The following MAF variants were observed in gnomAD, a reference collection of about 807,000 sequenced individuals.
MAF encodes the protein transcription factor Maf.
In MAF, 10 loss-of-function variants were observed where a neutral mutation model predicts 22.0. That is an observed-to-expected ratio of 0.45 (90% CI 0.28 to 0.77). The LOEUF is 0.77. Ranked by LOEUF, MAF falls within the 30% of genes least tolerant of loss-of-function variation. The pLI is 0.12. For synonymous variants in MAF, 337 were observed against 255.8 expected (o/e 1.32, Z -3.03); for missense variants, 544 against 548.4 (o/e 0.99, Z 0.08).
the MAF span, among the ~76,000 whole-genome samples, chr16:79,576,722 T>A: frequency 6.6e-6 from 1 of 152,176 alleles, no homozygotes; most frequent in Non-Finnish European, 1.5e-5. Context: ...TTATTCCATA[T>A]AATATTGTCC....
the MAF span, among the ~76,000 whole-genome samples, chr16:79,321,024 G>C: frequency 1.3e-5 from 2 of 152,206 alleles, no homozygotes; most frequent in African/African-American, 4.8e-5. Context: ...TGAGGAGTCT[G>C]ATCTCGATCT....
chr16:79,524,499 C>T, the MAF span, among the ~76,000 whole-genome samples: 2 of 152,166 alleles, frequency 1.3e-5, no homozygotes, highest in Non-Finnish European at 2.9e-5. Context: ...GTTGGCTATC[C>T]AACATTCATC....
chr16:79,377,240 A>G, the MAF span, among the ~76,000 whole-genome samples: 1 of 152,058 alleles, frequency 6.6e-6, no homozygotes, highest in African/African-American at 2.4e-5. Context: ...ATGGTATCTC[A>G]TTGTGGTTTT....
the MAF span, among the ~76,000 whole-genome samples, chr16:79,349,056 C>T: frequency 1.3e-5 from 2 of 152,220 alleles, no homozygotes; most frequent in Admixed American, 1.3e-4. Flanking sequence ...CAAATGATGA[C>T]AGCTAACATT....
the MAF span, among the ~76,000 whole-genome samples, chr16:79,219,089 C>T: frequency 6.6e-6 from 1 of 152,184 alleles, no homozygotes; most frequent in Non-Finnish European, 1.5e-5. Flanking sequence ...AAGGCCATGC[C>T]CTGCTGCATC....
chr16:79,546,160 T>G, the MAF span, among the ~76,000 whole-genome samples: 1 of 152,186 alleles, frequency 6.6e-6, no homozygotes, highest in Admixed American at 6.5e-5. Flanking sequence ...CTTTAAAACT[T>G]GATTTTATTG....
chr16:79,329,418 G>A, the MAF span, among the ~76,000 whole-genome samples: 4 of 152,108 alleles, frequency 2.6e-5, no homozygotes, highest in South Asian at 2.1e-4. Flanking sequence ...TCACAACACC[G>A]GTATCTGGTA....
At chr16:79,501,531 G>T in the MAF span, among the ~76,000 whole-genome samples, 1 of 151,768 alleles carries the variant, frequency 6.6e-6, no homozygotes, top group African/African-American at 2.4e-5. Flanking sequence ...AATGCTTGAG[G>T]CCACATTGCA....
chr16:79,216,046 G>C, the MAF span, among the ~76,000 whole-genome samples: 1 of 152,192 alleles, frequency 6.6e-6, no homozygotes, highest in Admixed American at 6.5e-5. Context: ...GTGAGCAAGT[G>C]CATGGCATAA....
the MAF span, among the ~76,000 whole-genome samples, chr16:79,473,237 T>C: frequency 2.0e-5 from 3 of 152,126 alleles, no homozygotes; most frequent in African/African-American, 7.2e-5. Flanking sequence ...CATTTCTCTT[T>C]GCAGGTCCCA....
chr16:79,205,368 A>T, the MAF span: 1 of 152,220 alleles, frequency 6.6e-6, no homozygotes, highest in African/African-American at 2.4e-5. Context: ...AAGGAGCCTG[A>T]GGTTTTTCTA....
chr16:79,242,014 G>A, the MAF span, among the ~76,000 whole-genome samples: 1 of 151,968 alleles, frequency 6.6e-6, no homozygotes, highest in East Asian at 1.9e-4. Context: ...TCACCACCAG[G>A]CCTGCCTTAC....
At chr16:79,497,591 C>G in the MAF span, among the ~76,000 whole-genome samples, 1 of 152,186 alleles carries the variant, frequency 6.6e-6, no homozygotes, top group African/African-American at 2.4e-5. Context: ...CCTCACAGGC[C>G]TCATGTGGGT....
intron 1 of MAF, chr16:79,597,153 C>T (rs1374871960): frequency 3.8e-6 from 4 of 1,056,888 alleles, no homozygotes; most frequent in Non-Finnish European, 4.6e-6. Context: ...ACTCTACCCC[C>T]CTTAACATCA....
At chr16:79,378,319 G>A in the MAF span, among the ~76,000 whole-genome samples, 1 of 152,142 alleles carries the variant, frequency 6.6e-6, no homozygotes, top group Non-Finnish European at 1.5e-5. Context: ...CAACAGCATA[G>A]ATGAAGTTCA....
chr16:79,352,691 C>A, the MAF span, among the ~76,000 whole-genome samples: 14 of 152,158 alleles, frequency 9.2e-5, no homozygotes, highest in African/African-American at 3.4e-4. Context: ...TTCAACCAAA[C>A]CAACAGGGCA....
chr16:79,373,055 T>A, the MAF span, among the ~76,000 whole-genome samples: 1 of 152,178 alleles, frequency 6.6e-6, no homozygotes, highest in Non-Finnish European at 1.5e-5. Flanking sequence ...GCTATTTTCA[T>A]GTTAGCTGTT....
chr16:79,496,925 T>G, the MAF span, among the ~76,000 whole-genome samples: 1 of 152,244 alleles, frequency 6.6e-6, no homozygotes, highest in East Asian at 1.9e-4. Flanking sequence ...TTCTACACAG[T>G]AGCAGTGGGC....
At chr16:79,235,198 T>C in the MAF span, among the ~76,000 whole-genome samples, 1 of 152,052 alleles carries the variant, frequency 6.6e-6, no homozygotes, top group Non-Finnish European at 1.5e-5. Context: ...TCTGGGGACA[T>C]CCTCAAAGCA....
Sources: allele counts gnomAD v4.1 joint callset (sites outside exome capture counted in the v4.1 genomes callset), GRCh38; gene constraint gnomAD v4.1.1; transcripts MANE v1.5; gene names NCBI Gene and HGNC (gene_info 2026-07-23, HGNC 2026-07-21).